The following USP30 variants were observed in gnomAD, a reference collection of about 807,000 sequenced individuals.
USP30 encodes ubiquitin carboxyl-terminal hydrolase 30.
Under a neutral mutation model 68.2 loss-of-function variants are expected in USP30, and 41 were observed. The ratio of observed to expected loss-of-function variants is 0.60; its 90% CI spans 0.47 to 0.78. The LOEUF (loss-of-function observed/expected upper bound fraction) is 0.78. USP30 is among the 30% of genes least tolerant of loss of function. The pLI is 0.00. For missense variants in USP30, 522 were observed against 649.4 expected, an observed-to-expected ratio of 0.80 and a Z score of 2.13; for synonymous variants, 229 against 253.7, an observed-to-expected ratio of 0.90 and a Z score of 0.93.
At chr12:109,048,538 G>T (rs150963390), upstream of USP30, among the ~76,000 whole-genome samples, 1 of 151,826 alleles carries the variant, frequency 6.6e-6, no homozygotes, top group East Asian at 1.9e-4. Context: ...TCAGGAGTTC[G>T]AGACCAGCCT....
intron 6 of USP30, among the ~76,000 whole-genome samples, chr12:109,072,673 A>G (rs71454764): frequency 0.016 from 2,486 of 152,280 alleles, 29 homozygotes; most frequent in African/African-American, 0.034. Flanking sequence ...GTGCTGCCAA[A>G]TTCTATTGCA....
intron 3 of USP30, among the ~76,000 whole-genome samples, chr12:109,040,829 G>T (rs2040559632): frequency 6.6e-6 from 1 of 152,202 alleles, no homozygotes; most frequent in African/African-American, 2.4e-5. Context: ...TTATGACCTG[G>T]CTTTGGAATT....
chr12:109,068,566 A>G (rs1430845917), intron 4 of USP30, among the ~76,000 whole-genome samples: 2 of 152,192 alleles, frequency 1.3e-5, no homozygotes, highest in African/African-American at 2.4e-5. Context: ...ACGTTTTTCT[A>G]TTTAGAAAAT....
At chr12:109,074,234 T>C (rs2041528674) in intron 7 of USP30, among the ~76,000 whole-genome samples, 1 of 152,228 alleles carries the variant, frequency 6.6e-6, no homozygotes, top group Non-Finnish European at 1.5e-5. Flanking sequence ...CAAATAATAT[T>C]GCATTACATG....
At chr12:109,051,249 C>CT (rs138942249), upstream of USP30, among the ~76,000 whole-genome samples, 873 of 63,432 alleles carry the variant, frequency 0.014, 21 homozygotes, top group Non-Finnish European at 0.018. Flanking sequence ...TTACCTCTTG[C>CT]TTTTTTTTTT....
intron 3 of USP30, among the ~76,000 whole-genome samples, chr12:109,028,517 G>A (rs370511348): frequency 1.3e-5 from 2 of 151,490 alleles, no homozygotes; most frequent in South Asian, 2.1e-4. Context: ...CCCTCTTGTC[G>A]CCCAGACTGG....
chr12:109,076,877 G>A (rs185170596), intron 7 of USP30, among the ~76,000 whole-genome samples: 158 of 151,484 alleles, frequency 1.0e-3, no homozygotes, highest in Non-Finnish European at 1.8e-3. Flanking sequence ...GACTACAGGC[G>A]CCCGCCACCA....
intron 3 of USP30, among the ~76,000 whole-genome samples, chr12:109,042,270 AT>A (rs1285704947): frequency 6.6e-6 from 1 of 151,690 alleles, no homozygotes; most frequent in East Asian, 1.9e-4. Flanking sequence ...GTTTAAAATT[AT>A]TTTTTGAATA....
In USP30 at chr12:109,085,905, A is replaced by G. The variant is rs776314602; in HGVS notation, c.1528A>G (p.Ser510Gly). 6.2e-7 allele frequency: 1 copy of G among 1,614,062 alleles called. No individual in the cohort carries two copies. Among genetic ancestry groups the G allele is most frequent in the Non-Finnish European group, 8.5e-7 (1 of 1,179,942 alleles). ...CGTCCTTTCCAGGATGCAGCACCAG[A>G]GCCAGGAGTGCAAGTCTGAAGAATG... ...ERVLSRMQHQSQECKSEE is the reference protein window; with the variant it reads ...ERVLSRMQHQGQECKSEE Residue 510 changes from serine to glycine, a missense_variant, in exon 13 of 13, where the codon AGC becomes GGC. Transcript: ENST00000257548.
chr12:109,063,201 G>A (rs186856968), intron 3 of USP30, among the ~76,000 whole-genome samples: 1 of 152,246 alleles, frequency 6.6e-6, no homozygotes, highest in African/African-American at 2.4e-5. Context: ...CCAGATTCAA[G>A]TGATTCTCCT....
chr12:109,083,558 C>A (rs372507116), intron 11 of USP30, among the ~76,000 whole-genome samples: 1 of 152,052 alleles, frequency 6.6e-6, no homozygotes, highest in African/African-American at 2.4e-5. Flanking sequence ...CTATTATCGC[C>A]GGTCTTACTG....
intron 2 of USP30, among the ~76,000 whole-genome samples, chr12:109,026,607 G>A (rs905325717): frequency 9.2e-5 from 14 of 151,438 alleles, no homozygotes; most frequent in East Asian, 1.9e-4. Flanking sequence ...GTAGTAGACC[G>A]TAGGTGCGCA....
intron 1 of USP30, chr12:109,054,149 C>T: frequency 2.3e-6 from 1 of 429,014 alleles, no homozygotes; most frequent in South Asian, 1.7e-5. Flanking sequence ...CCATGACAGT[C>T]CTTTATAATC....
chr12:109,062,483 A>C (rs2041104325), intron 3 of USP30, among the ~76,000 whole-genome samples: 1 of 151,700 alleles, frequency 6.6e-6, no homozygotes, highest in Non-Finnish European at 1.5e-5. Context: ...TATAGGCGCC[A>C]TGCCTGGCTA....
chr12:109,058,997 TG>T (rs1203527938), intron 3 of USP30, among the ~76,000 whole-genome samples: 1 of 152,202 alleles, frequency 6.6e-6, no homozygotes, highest in African/African-American at 2.4e-5. Context: ...TACTCAGTAC[TG>T]TTTGACCCAG....
At chr12:109,051,829 C>G (rs2040679927), upstream of USP30, among the ~76,000 whole-genome samples, 1 of 152,182 alleles carries the variant, frequency 6.6e-6, no homozygotes, top group Non-Finnish European at 1.5e-5. Context: ...CTCGTTCTCC[C>G]AAAGTGCTGG....
intron 3 of USP30, among the ~76,000 whole-genome samples, chr12:109,043,563 T>C (rs1254704585): frequency 6.6e-6 from 1 of 152,114 alleles, no homozygotes. Context: ...TAACAACACA[T>C]ACAAAAGTTA....
intron 3 of USP30, among the ~76,000 whole-genome samples, chr12:109,046,854 G>C (rs11067125): frequency 3.3e-5 from 5 of 152,144 alleles, no homozygotes; most frequent in African/African-American, 4.8e-5. Context: ...GCGCCATCAT[G>C]CCCAGCTAAT....
chr12:109,056,950 T>C (rs987274926), intron 2 of USP30, among the ~76,000 whole-genome samples, 159 bp downstream of exon 2: 10 of 152,228 alleles, frequency 6.6e-5, no homozygotes, highest in Non-Finnish European at 1.3e-4. Context: ...CGTTAGTCAT[T>C]ATTTTATACC....
Sources: gnomAD v4.1 joint callset for allele counts (sites outside exome capture counted in the v4.1 genomes callset) on GRCh38, gnomAD v4.1.1 for gene constraint, MANE v1.5 for transcripts, NCBI Gene and HGNC (gene_info 2026-07-23, HGNC 2026-07-21) for gene names.